The following TBL1X variants were observed in gnomAD, a reference collection of about 807,000 sequenced individuals.
TBL1X encodes the protein transducin beta like 1 X-linked.
A neutral mutation model predicts 50.7 loss-of-function variants in TBL1X; 10 were observed. The observed-to-expected ratio is 0.20, with a 90% CI of 0.12 to 0.33. The LOEUF (loss-of-function observed/expected upper bound fraction) is 0.33, where lower values mean the gene tolerates loss of function less well. Ranked by LOEUF, TBL1X falls within the 10% of genes least tolerant of loss-of-function variation. The pLI, the probability that TBL1X is intolerant of heterozygous loss-of-function variation, is 1.00. For synonymous variants in TBL1X, 190 were observed against 214.7 expected, an observed-to-expected ratio of 0.88 and a Z score of 1.01; for missense variants, 340 against 504.4, an observed-to-expected ratio of 0.67 and a Z score of 3.12.
chrX:9,537,605 A>AACGTCCT (rs2082195221), intron 2 of TBL1X, among the ~76,000 whole-genome samples: 2 of 110,408 alleles, frequency 1.8e-5, no homozygotes, highest in African/African-American at 3.3e-5. Flanking sequence ...CTGGCTTAGC[A>AACGTCCT]CAAGTTTCAT....
chrX:9,662,633 A>T (rs2082905245), intron 5 of TBL1X, among the ~76,000 whole-genome samples: 1 of 111,469 alleles, frequency 9.0e-6, no homozygotes, highest in African/African-American at 3.3e-5. Context: ...CGTTCTGGGG[A>T]TGGTTGATGG....
At chrX:9,503,868 C>G (rs891992759) in intron 2 of TBL1X, among the ~76,000 whole-genome samples, 2 of 112,624 alleles carry the variant, frequency 1.8e-5, no homozygotes, top group African/African-American at 6.4e-5. Context: ...CCTGGTAGTT[C>G]CAAGGAATCT....
At chrX:9,511,191 A>G (rs920053045) in intron 2 of TBL1X, among the ~76,000 whole-genome samples, 2 of 112,541 alleles carry the variant, frequency 1.8e-5, no homozygotes, top group South Asian at 3.7e-4. Context: ...TCAGTACTCA[A>G]TGGGAGTTAA....
intron 2 of TBL1X, among the ~76,000 whole-genome samples, chrX:9,540,725 T>A (rs1013139040): frequency 1.8e-5 from 2 of 112,279 alleles, no homozygotes; most frequent in African/African-American, 6.5e-5. Context: ...GTCAGTATTA[T>A]ATTTTCCTAT....
intron 2 of TBL1X, among the ~76,000 whole-genome samples, chrX:9,608,887 C>T (rs1304398788): frequency 9.0e-6 from 1 of 111,116 alleles, no homozygotes; most frequent in Non-Finnish European, 1.9e-5. Context: ...TCAGTTCAGC[C>T]AGGTTAAGTG....
At chrX:9,569,170 A>G (rs190121810) in intron 2 of TBL1X, among the ~76,000 whole-genome samples, 22 of 82,830 alleles carry the variant, frequency 2.7e-4, no homozygotes, top group Admixed American at 4.2e-4. Context: ...GTGGTATGCT[A>G]TGTGTGTTGT....
chrX:9,507,575 G>A (rs1476407364), intron 2 of TBL1X, among the ~76,000 whole-genome samples: 1 of 112,070 alleles, frequency 8.9e-6, no homozygotes, highest in Non-Finnish European at 1.9e-5. Flanking sequence ...ATTCTTCACA[G>A]AATTAGGAAA....
chrX:9,679,629 A>G (rs975759129), intron 5 of TBL1X, among the ~76,000 whole-genome samples: 12 of 112,012 alleles, frequency 1.1e-4, no homozygotes, highest in Non-Finnish European at 1.9e-5. Context: ...TATCATTGAC[A>G]TTCTGGTCTT....
intron 15 of TBL1X, among the ~76,000 whole-genome samples, chrX:9,710,240 A>G (rs2083237702): frequency 1.2e-5 from 1 of 82,674 alleles, no homozygotes; most frequent in African/African-American, 5.0e-5. Context: ...AAAAAAACAG[A>G]AGAAGAAAAA....
At chrX:9,623,817 C>T (rs1018456926) in intron 2 of TBL1X, among the ~76,000 whole-genome samples, 1 of 112,368 alleles carries the variant, frequency 8.9e-6, no homozygotes, top group African/African-American at 3.2e-5. Context: ...GTAGGTGCAT[C>T]AAGCTGTCCA....
rs2081818550 is a variant in TBL1X at position 9,472,045 on chromosome X, C to T, written c.-201+6598C>T. On this transcript the variant is annotated intron_variant, in intron 1 of 17. Coordinates refer to ENST00000645353, the MANE Select transcript of TBL1X (RefSeq NM_005647.4). ...TTCGGGTCTGTTGAAACTGCATCCC[C>T]AGCACCATCATGTCGGAGCAAGAAG... is the stretch of plus-strand genomic sequence containing the variant. Among the ~76,000 whole-genome samples, 8 of 111,410 alleles carry T rather than the reference C, an allele frequency of 7.2e-5. No individual in the cohort carries two copies. In the South Asian group the frequency reaches 3.0e-3, roughly 42 times the overall value.
chrX:9,709,828 C>T (rs1292399049), intron 15 of TBL1X, 68 bp downstream of exon 15: 33 of 1,160,358 alleles, frequency 2.8e-5, no homozygotes, highest in Admixed American at 4.9e-5. Flanking sequence ...TCTGCTAAAG[C>T]GCGTCCATGC....
At chrX:9,504,655 A>C (rs1019008450) in intron 2 of TBL1X, among the ~76,000 whole-genome samples, 2 of 112,528 alleles carry the variant, frequency 1.8e-5, no homozygotes, top group Non-Finnish European at 3.7e-5. Flanking sequence ...TGTGAAGCAC[A>C]CACAAGTATC....
rs1422566664 is a variant in TBL1X at position 9,469,491 on chromosome X, T to C, written c.-201+4044T>C. On this transcript the variant is annotated intron_variant, in intron 1 of 17. Transcript: ENST00000645353. The stretch of plus-strand genomic sequence containing the variant: ...CTAACATGCTTATAGTTTCCTGTTT[T>C]CTGAAGTTGGGAATTGGGTCTGGAA... Among the ~76,000 whole-genome samples, 3 of 112,799 alleles carry C rather than the reference T, an allele frequency of 2.7e-5. No individual in the cohort carries two copies. The Admixed American group carries it at 2.8e-4, about 11-fold the overall frequency.
At chrX:9,566,506 T>TG (rs1317159559) in intron 2 of TBL1X, among the ~76,000 whole-genome samples, 1 of 111,902 alleles carries the variant, frequency 8.9e-6, no homozygotes, top group Admixed American at 9.5e-5. Context: ...TGCTGGTGCA[T>TG]GTATTAGTCA....
At chrX:9,667,754 T>C (rs777214039) in intron 5 of TBL1X, among the ~76,000 whole-genome samples, 1 of 112,066 alleles carries the variant, frequency 8.9e-6, no homozygotes, top group Non-Finnish European at 1.9e-5. Context: ...GCTGTCTTCA[T>C]TGGGTCCTGT....
intron 3 of TBL1X, among the ~76,000 whole-genome samples, chrX:9,648,043 C>G (rs1423202350): frequency 2.7e-5 from 3 of 111,401 alleles, no homozygotes; most frequent in Non-Finnish European, 5.7e-5. Flanking sequence ...AGCCATATAA[C>G]TGACCCTCCA....
chrX:9,683,866 G>A, intron 5 of TBL1X, 177 bp from the exon 6 acceptor site: 1 of 608,991 alleles, frequency 1.6e-6, no homozygotes, highest in Admixed American at 2.8e-5. Context: ...CTCTCTCCCT[G>A]CCCTTTCCCA....
intron 2 of TBL1X, among the ~76,000 whole-genome samples, chrX:9,593,725 C>A (rs1439553824): frequency 9.0e-6 from 1 of 111,310 alleles, no homozygotes; most frequent in Non-Finnish European, 1.9e-5. Context: ...CCCATCCTTC[C>A]GCCCCACTTC....
Sources: allele counts gnomAD v4.1 joint callset (sites outside exome capture counted in the v4.1 genomes callset), GRCh38; gene constraint gnomAD v4.1.1; transcripts MANE v1.5; gene names NCBI Gene and HGNC (gene_info 2026-07-23, HGNC 2026-07-21).